DAB1: variants seen among roughly 807,000 people sequenced by gnomAD.
The protein encoded by DAB1 is DAB adaptor protein 1.
In DAB1, 15 loss-of-function variants were observed where a neutral mutation model predicts 64.6. The observed-to-expected ratio is 0.23, with a 90% confidence interval of 0.16 to 0.36. DAB1 has a LOEUF of 0.36. DAB1 is among the 10% of genes least tolerant of loss of function. The probability of loss-of-function intolerance (pLI) is 1.00; values close to 1 mark genes in which losing one functional copy is unlikely to be tolerated. For synonymous variants in DAB1, 235 were observed against 251.9 expected, an observed-to-expected ratio of 0.93 and a Z score of 0.64; for missense variants, 596 against 706.7, an observed-to-expected ratio of 0.84 and a Z score of 1.78.
intron 3 of DAB1, among the ~76,000 whole-genome samples, chr1:58,355,879 T>C (rs904125030): frequency 6.6e-5 from 10 of 152,210 alleles, no homozygotes; most frequent in African/African-American, 2.2e-4. Context: ...GGCATGGGTC[T>C]GATCAGCTGT....
intron 1 of DAB1, among the ~76,000 whole-genome samples, chr1:57,385,150 T>C (rs1681708530): frequency 6.6e-6 from 1 of 152,208 alleles, no homozygotes; most frequent in African/African-American, 2.4e-5. Flanking sequence ...GCAGACCATA[T>C]ACTCCCATTG....
intron 2 of DAB1, among the ~76,000 whole-genome samples, chr1:57,287,266 G>C (rs1287329287): frequency 3.3e-5 from 5 of 152,122 alleles, no homozygotes; most frequent in Non-Finnish European, 5.9e-5. Flanking sequence ...GTAAAGATGG[G>C]GTTTCACCAT....
intron 7 of DAB1, among the ~76,000 whole-genome samples, chr1:57,435,388 T>C (rs377349542): frequency 6.6e-6 from 1 of 152,216 alleles, no homozygotes; most frequent in East Asian, 1.9e-4. Flanking sequence ...TTTAGCTTAC[T>C]GTAATAACTT....
intron 2 of DAB1, among the ~76,000 whole-genome samples, chr1:57,216,566 A>G (rs1013374701): frequency 1.3e-5 from 2 of 152,122 alleles, no homozygotes; most frequent in Non-Finnish European, 2.9e-5. Context: ...TAAGATTGTC[A>G]CTGTGGGTTG....
chr1:57,888,515 C>T (rs546450587), upstream of DAB1, among the ~76,000 whole-genome samples: 7 of 152,190 alleles, frequency 4.6e-5, no homozygotes, highest in South Asian at 1.2e-3. Flanking sequence ...TCCTAGACAC[C>T]TAACAGTTAG....
At position 57,553,458 on chromosome 1, in the gene DAB1, A is replaced by AAGAAAGAAAGAG. The variant is rs1458260279; in HGVS notation, n.625+96133_625+96134insCTCTTTCTTTCT. Among the ~76,000 whole-genome samples the AAGAAAGAAAGAG allele has an allele frequency of 2.0e-3, 260 of 132,202 alleles. 7 individuals carry two copies. Among genetic ancestry groups the AAGAAAGAAAGAG allele is most frequent in the African/African-American group, 3.8e-3 (128 of 33,642 alleles). The allele number at this position is 132,202 out of a possible 152,430, so 86.7% of individuals were successfully genotyped here. A position where few individuals can be genotyped will look rare whatever the true frequency, so the allele number is the denominator to read the frequency against. On this transcript the variant is annotated intron_variant and non_coding_transcript_variant, in intron 7 of 20. Transcript: ENST00000485760. ...AGAAAGAAAGAGAAAGAAAGAAAGA[A>AAGAAAGAAAGAG]AGAGAAAGGGAAAGAAAGGAAGGAA...
chr1:57,990,558 A>G lies in DAB1; in HGVS notation n.388-106396T>C, dbSNP rs116382706. 8.7e-3 allele frequency among the ~76,000 whole-genome samples: 1,321 copies of G among 152,356 alleles called. 15 individuals carry two copies. The highest frequency in any genetic ancestry group is 0.03 in the African/African-American group (1,254 of 41,580). On this transcript the variant is annotated intron_variant and non_coding_transcript_variant, in intron 5 of 20. Transcript: ENST00000485760. Reference sequence around the variant, plus strand: ...TGAAAGGCACCCAGTGTTTAAGAGCAGAGGGAGGGGCCTGACACAGGTCTT... The same window carrying G: ...TGAAAGGCACCCAGTGTTTAAGAGCGGAGGGAGGGGCCTGACACAGGTCTT...
At chr1:57,686,776 C>T (rs541447775) in intron 6 of DAB1, among the ~76,000 whole-genome samples, 23 of 152,138 alleles carry the variant, frequency 1.5e-4, no homozygotes, top group East Asian at 9.7e-4. Flanking sequence ...TGTGATTTAC[C>T]GCATAAACAC....
chr1:58,494,551 T>C (rs1473552092), intron 3 of DAB1, among the ~76,000 whole-genome samples: 1 of 151,962 alleles, frequency 6.6e-6, no homozygotes, highest in Non-Finnish European at 1.5e-5. Context: ...GAATCTACAA[T>C]GAACTCAAAC....
rs117598303 is a variant in DAB1, at chr1:57,834,805, A to G, written n.88-8350T>C. 1.2e-3 allele frequency among the ~76,000 whole-genome samples: 180 copies of G among 152,260 alleles called. 3 individuals carry two copies. In the East Asian group the frequency reaches 0.029, roughly 24 times the overall value. ...TACAAGATGCCAGGGAGCAGAGGAA[A>G]TGCAAAGGCTATGTATGTCTTTGAG... On this transcript the variant is annotated intron_variant and non_coding_transcript_variant, in intron 1 of 1. Coordinates refer to the DAB1 transcript ENST00000477280.
intron 5 of DAB1, among the ~76,000 whole-genome samples, chr1:57,952,069 C>T (rs1381077769): frequency 6.6e-6 from 1 of 152,152 alleles, no homozygotes; most frequent in Non-Finnish European, 1.5e-5. Context: ...TACTACATCC[C>T]TGTCCCTCAG....
chr1:57,477,643 C>A (rs1026670228), intron 7 of DAB1, among the ~76,000 whole-genome samples: 2 of 152,052 alleles, frequency 1.3e-5, no homozygotes, highest in Non-Finnish European at 2.9e-5. Flanking sequence ...CCTTCATAAA[C>A]CATGTTGCAG....
chr1:58,064,576 T>G (rs1340670257), intron 5 of DAB1, among the ~76,000 whole-genome samples: 3 of 152,186 alleles, frequency 2.0e-5, no homozygotes, highest in African/African-American at 7.2e-5. Context: ...GTGCCTCCAG[T>G]CTACTCAGTG....
chr1:57,838,945 G>GTATT (rs1553134304), intron 1 of DAB1, among the ~76,000 whole-genome samples: 2 of 151,470 alleles, frequency 1.3e-5, no homozygotes, highest in Non-Finnish European at 2.9e-5. Flanking sequence ...CTCAGCTAAT[G>GTATT]TATTTATTTA....
chr1:58,079,020 G>A (rs983490471), intron 5 of DAB1, among the ~76,000 whole-genome samples: 5 of 152,176 alleles, frequency 3.3e-5, no homozygotes, highest in African/African-American at 9.7e-5. Context: ...GGAAGAGCAG[G>A]CACCTCATTC....
chr1:57,685,353 A>G (rs1646684016), intron 6 of DAB1, among the ~76,000 whole-genome samples: 1 of 152,050 alleles, frequency 6.6e-6, no homozygotes, highest in Admixed American at 6.6e-5. Flanking sequence ...AATTTAACAC[A>G]AAGACTTAAG....
In DAB1 at chr1:58,432,197, C is replaced by A. The variant is rs374437017; in HGVS notation, n.257+73863G>T. ...TGGCTGCTTTCTTGGCACCCTACAGCTCTTGGTGTGAATCTCTCTTTCTTA... is the reference window on the plus strand; with the variant it reads ...TGGCTGCTTTCTTGGCACCCTACAGATCTTGGTGTGAATCTCTCTTTCTTA... On this transcript the variant is annotated intron_variant and non_coding_transcript_variant, in intron 3 of 20. Transcript: ENST00000485760. Among the ~76,000 whole-genome samples the A allele has an allele frequency of 8.5e-5, 13 of 152,312 alleles. No individual in the cohort carries two copies. The East Asian group carries it at 2.1e-3, about 25-fold the overall frequency.
chr1:57,571,865 C>T (rs1645197216), intron 7 of DAB1, among the ~76,000 whole-genome samples: 1 of 152,228 alleles, frequency 6.6e-6, no homozygotes, highest in African/African-American at 2.4e-5. Flanking sequence ...GGCTCCTTCA[C>T]TGGAGCCCTC....
intron 2 of DAB1, among the ~76,000 whole-genome samples, chr1:57,152,914 A>G (rs555178705): frequency 6.6e-6 from 1 of 152,330 alleles, no homozygotes; most frequent in African/African-American, 2.4e-5. Flanking sequence ...TTAGGTCTCC[A>G]GTTTTACAAT....
Sources: gnomAD v4.1 joint callset for allele counts (sites outside exome capture counted in the v4.1 genomes callset) on GRCh38, gnomAD v4.1.1 for gene constraint, MANE v1.5 for transcripts, NCBI Gene and HGNC (gene_info 2026-07-23, HGNC 2026-07-21) for gene names.